TMPRSS15: variants seen among roughly 807,000 people sequenced by gnomAD.
The protein encoded by TMPRSS15 is enteropeptidase.
Under a neutral mutation model 125.3 loss-of-function variants are expected in TMPRSS15, and 128 were observed. The ratio of observed to expected loss-of-function variants is 1.02; its 90% CI spans 0.89 to 1.18. The LOEUF (loss-of-function observed/expected upper bound fraction) is 1.18. TMPRSS15 is among the 50% of genes most tolerant of loss of function. TMPRSS15 has a pLI of 0.00. For missense variants in TMPRSS15, 1,283 were observed against 1,212.7 expected (o/e 1.06, Z -0.86); for synonymous variants, 446 against 423.2 (o/e 1.05, Z -0.66).
intron 10 of TMPRSS15, among the ~76,000 whole-genome samples, chr21:18,347,245 T>A (rs370310481): frequency 2.0e-5 from 3 of 152,104 alleles, no homozygotes; most frequent in African/African-American, 7.2e-5. Context: ...ATGTATATAT[T>A]TTTTTTCTTG....
rs112550175 is a variant in TMPRSS15, at chr21:18,433,251, C to T, written c.11-34922G>A. Among the ~76,000 whole-genome samples, 378 of 152,204 alleles carry T rather than the reference C, an allele frequency of 2.5e-3. 3 individuals are homozygous for T. Among genetic ancestry groups the T allele is most frequent in the African/African-American group, 8.1e-3 (337 of 41,548 alleles). ...AGATGGAAAAGAATGGCCTAATCCA[C>T]GCTGACTGATGAGAATAACTCAGGA... On this transcript the variant is annotated intron_variant, in intron 1 of 7. Transcript: ENST00000422787.
intron 8 of TMPRSS15, among the ~76,000 whole-genome samples, chr21:18,354,439 A>G (rs931111275): frequency 1.3e-5 from 2 of 150,798 alleles, no homozygotes; most frequent in Admixed American, 1.3e-4. Flanking sequence ...TTCATTTTTG[A>G]TTGTCAAGAG....
At chr21:18,397,989 AT>A in intron 2 of TMPRSS15, 43 bp from the exon 3 acceptor site, 1 of 1,355,026 alleles carries the variant, frequency 7.4e-7, no homozygotes, top group Non-Finnish European at 1.0e-6. Flanking sequence ...TAAATTTAGG[AT>A]TTTAACTTTT....
At chr21:18,394,553 G>GTC (rs1008511819) in intron 3 of TMPRSS15, among the ~76,000 whole-genome samples, 2 of 142,920 alleles carry the variant, frequency 1.4e-5, no homozygotes, top group East Asian at 3.9e-4. Flanking sequence ...CTCTCTCTCT[G>GTC]TCTCTCTCTC....
In TMPRSS15 at chr21:18,315,261, G is replaced by A; in HGVS notation, c.1922-5C>T. 2.5e-6 allele frequency: 4 copies of A among 1,604,358 alleles called. No individual in the cohort carries two copies. The highest frequency in any genetic ancestry group is 1.3e-5 in the African/African-American group (1 of 74,852). ...AATGGTCTGCCTTGCATGGCTCTATGGGGAAAGAATGTTTATTGTATAGGA... is the reference window on the plus strand; with the variant it reads ...AATGGTCTGCCTTGCATGGCTCTATAGGGAAAGAATGTTTATTGTATAGGA... On this transcript the variant is annotated splice_polypyrimidine_tract_variant and splice_region_variant and intron_variant, in intron 16 of 24. Transcript: ENST00000284885.
chr21:18,373,929 T>A (rs1037445015), intron 5 of TMPRSS15, among the ~76,000 whole-genome samples: 1 of 152,150 alleles, frequency 6.6e-6, no homozygotes, highest in Non-Finnish European at 1.5e-5. Flanking sequence ...AAAGAATGAG[T>A]AAGGCAGAGC....
intron 13 of TMPRSS15, among the ~76,000 whole-genome samples, chr21:18,338,702 G>C (rs945673014): frequency 3.4e-5 from 5 of 146,022 alleles, no homozygotes; most frequent in East Asian, 2.0e-4. Context: ...AAAAGAGAGA[G>C]AGACAGAGAC....
Position 18,278,996 on chromosome 21 carries a change from G to T in TMPRSS15, c.2732C>A (p.Ser911Tyr), listed in dbSNP as rs760281151. ...TACAACCGTCCCCCAACCAGCAATA[G>T]AACAATTTCTTCCTGGAGGAAAAAC... is the stretch of plus-strand genomic sequence containing the variant. ...NQVFPPGRNC[S>Y]IAGWGTVVYQ... is the part of the protein sequence containing the mutation. Residue 911 changes from serine (S) to tyrosine (Y), a missense_variant, in exon 23 of 25, where the codon TCT becomes TAT. Physicochemically the swap from Ser to Tyr is moderately radical, Grantham distance 144. Transcript: ENST00000284885. 2 of 1,477,512 alleles carry T rather than the reference G, an allele frequency of 1.4e-6. No homozygotes were observed. The highest frequency in any genetic ancestry group is 3.9e-5 in the Admixed American group (2 of 51,890). The allele number at this position is 1,477,512 out of a possible 1,614,324, so 91.5% of individuals were successfully genotyped here.
chr21:18,410,676 A>G (rs769518045), intron 1 of TMPRSS15, among the ~76,000 whole-genome samples: 7 of 150,294 alleles, frequency 4.7e-5, no homozygotes, highest in Non-Finnish European at 1.0e-4. Flanking sequence ...TTATTTTTCT[A>G]TTTGTTTTTT....
At chr21:18,293,202 A>G (rs1249241285) in intron 21 of TMPRSS15, among the ~76,000 whole-genome samples, 1 of 152,154 alleles carries the variant, frequency 6.6e-6, no homozygotes, top group Non-Finnish European at 1.5e-5. Context: ...AATTTTCACA[A>G]TCTCTGTGTC....
intron 12 of TMPRSS15, among the ~76,000 whole-genome samples, chr21:18,342,089 G>A (rs1165870938): frequency 6.6e-6 from 1 of 152,126 alleles, no homozygotes; most frequent in African/African-American, 2.4e-5. Context: ...GTTGATGTGG[G>A]ATACTGTGCA....
intron 14 of TMPRSS15, among the ~76,000 whole-genome samples, chr21:18,329,536 G>T (rs1340661038): frequency 6.7e-6 from 1 of 149,046 alleles, no homozygotes; most frequent in Non-Finnish European, 1.5e-5. Context: ...TAGTATAATT[G>T]ATATTTTTAT....
chr21:18,360,752 G>A (rs1468581712), intron 7 of TMPRSS15, among the ~76,000 whole-genome samples: 1 of 151,792 alleles, frequency 6.6e-6, no homozygotes, highest in Admixed American at 6.6e-5. Flanking sequence ...AGTTTGTTCT[G>A]GCTATTCAGG....
At chr21:18,408,071 T>A (rs1362380226), upstream of TMPRSS15, among the ~76,000 whole-genome samples, 5 of 152,166 alleles carry the variant, frequency 3.3e-5, no homozygotes, top group Admixed American at 2.0e-4. Context: ...ATTATAATTA[T>A]TTTTGCCTAG....
intron 7 of TMPRSS15, among the ~76,000 whole-genome samples, chr21:18,363,685 T>A (rs953146695): frequency 6.6e-6 from 1 of 152,134 alleles, no homozygotes; most frequent in East Asian, 1.9e-4. Context: ...TAGACATTTA[T>A]AAATGCTTCT....
intron 1 of TMPRSS15, among the ~76,000 whole-genome samples, chr21:18,444,637 TA>T (rs913823060): frequency 4.6e-5 from 7 of 151,466 alleles, no homozygotes; most frequent in African/African-American, 7.3e-5. Flanking sequence ...GTATAAAAAT[TA>T]AAAAAAAATC....
chr21:18,421,218 A>G (rs2824817), intron 1 of TMPRSS15, among the ~76,000 whole-genome samples: 13,189 of 152,158 alleles, frequency 0.087, 611 homozygotes, highest in African/African-American at 0.12. Flanking sequence ...CAATCTTCAA[A>G]TATTATGGAA....
intron 10 of TMPRSS15, 125 bp from the exon 11 acceptor site, chr21:18,344,185 A>G: frequency 1.2e-6 from 1 of 816,312 alleles, no homozygotes; most frequent in Non-Finnish European, 2.0e-6. Flanking sequence ...ATTTTAATAT[A>G]GTGGACAGGA....
intron 1 of TMPRSS15, among the ~76,000 whole-genome samples, chr21:18,434,976 G>A (rs2076224669): frequency 6.6e-6 from 1 of 152,040 alleles, no homozygotes; most frequent in Admixed American, 6.6e-5. Context: ...CATCCTTGAT[G>A]TTCCTTGAGG....
Sources: gnomAD v4.1 joint callset for allele counts (sites outside exome capture counted in the v4.1 genomes callset) on GRCh38, gnomAD v4.1.1 for gene constraint, MANE v1.5 for transcripts, NCBI Gene and HGNC (gene_info 2026-07-23, HGNC 2026-07-21) for gene names.